The following EXOC6B variants were observed in gnomAD, a reference collection of about 807,000 sequenced individuals.
EXOC6B encodes the protein exocyst complex component 6B.
Under a neutral mutation model 113.5 loss-of-function variants are expected in EXOC6B, and 54 were observed. That is an observed-to-expected ratio of 0.48 (90% CI 0.38 to 0.60). EXOC6B has a LOEUF of 0.60. EXOC6B is among the 20% of genes least tolerant of loss of function. EXOC6B has a pLI of 0.00. For synonymous variants in EXOC6B, 357 were observed against 339.0 expected (o/e 1.05, Z -0.58); for missense variants, 797 against 977.5 (o/e 0.82, Z 2.46).
chr2:72,528,349 AT>A (rs938506378), intron 8 of EXOC6B, among the ~76,000 whole-genome samples: 1 of 151,962 alleles, frequency 6.6e-6, no homozygotes, highest in African/African-American at 2.4e-5. Context: ...TTTGTCTAAT[AT>A]TTTTGTGAAT....
At chr2:72,656,484 TA>T (rs370857019) in intron 6 of EXOC6B, among the ~76,000 whole-genome samples, 1 of 151,692 alleles carries the variant, frequency 6.6e-6, no homozygotes, top group Non-Finnish European at 1.5e-5. Flanking sequence ...ATGCAAGGAA[TA>T]AAAAAAGGTA....
intron 20 of EXOC6B, among the ~76,000 whole-genome samples, chr2:72,192,950 A>T (rs1384797781): frequency 6.6e-6 from 1 of 152,176 alleles, no homozygotes; most frequent in African/African-American, 2.4e-5. Context: ...AAATTCTAAA[A>T]ATTCTACCTC....
At chr2:72,498,981 G>C (rs780853547) in intron 12 of EXOC6B, among the ~76,000 whole-genome samples, 1 of 152,042 alleles carries the variant, frequency 6.6e-6, no homozygotes, top group Admixed American at 6.6e-5. Flanking sequence ...CAAGATGGTA[G>C]TTAAAGAAAC....
At chr2:72,736,269 A>T (rs79504171) in intron 2 of EXOC6B, among the ~76,000 whole-genome samples, 5,648 of 152,188 alleles carry the variant, frequency 0.037, 329 homozygotes, top group African/African-American at 0.13. Context: ...TTCAAAGAAG[A>T]TAAGTGTGTG....
intron 1 of EXOC6B, among the ~76,000 whole-genome samples, chr2:72,823,462 AAAAAAAAAAAAAAAAAC>A (rs1403616363): frequency 2.5e-4 from 32 of 125,734 alleles, no homozygotes; most frequent in Admixed American, 4.6e-4. Flanking sequence ...GTTTTAAGAA[AAAAAAAAAAAAAAAAAC>A]AAAAAACAAA....
At chr2:72,422,879 C>G (rs944537268) in intron 18 of EXOC6B, among the ~76,000 whole-genome samples, 1 of 146,910 alleles carries the variant, frequency 6.8e-6, no homozygotes, top group African/African-American at 2.7e-5. Flanking sequence ...ACGCACCAAT[C>G]AGCGCCCTGA....
chr2:72,723,414 CAAG>C (rs956743127), intron 5 of EXOC6B, among the ~76,000 whole-genome samples: 6 of 152,084 alleles, frequency 3.9e-5, no homozygotes, highest in Admixed American at 1.3e-4. Context: ...AATGCTAAAG[CAAG>C]AAGAAGAATA....
intron 18 of EXOC6B, among the ~76,000 whole-genome samples, chr2:72,453,767 A>T (rs1697045280): frequency 6.6e-6 from 1 of 152,246 alleles, no homozygotes; most frequent in Non-Finnish European, 1.5e-5. Context: ...CAACTTTAGC[A>T]TCAATAAGAA....
intron 20 of EXOC6B, among the ~76,000 whole-genome samples, chr2:72,228,378 T>C (rs1681379324): frequency 6.6e-6 from 1 of 151,914 alleles, no homozygotes; most frequent in Admixed American, 6.6e-5. Context: ...TAACTCGTCA[T>C]TTAACATTAG....
At chr2:72,283,754 C>T (rs1438958964) in intron 20 of EXOC6B, among the ~76,000 whole-genome samples, 4 of 152,048 alleles carry the variant, frequency 2.6e-5, no homozygotes, top group African/African-American at 9.7e-5. Context: ...TAATCCCTAA[C>T]TTACTGTGAT....
At chr2:72,800,183 T>A (rs963437450) in intron 1 of EXOC6B, among the ~76,000 whole-genome samples, 2 of 152,184 alleles carry the variant, frequency 1.3e-5, no homozygotes, top group Admixed American at 6.5e-5. Context: ...TTTTCAAGTA[T>A]CTGTAAAGAA....
In EXOC6B at chr2:72,675,886, T is replaced by C. The variant is rs114090909; in HGVS notation, c.669+42217A>G. 9.8e-3 allele frequency among the ~76,000 whole-genome samples: 1,485 copies of C among 152,266 alleles called. 40 individuals carry two copies. Among genetic ancestry groups the C allele is most frequent in the African/African-American group, 0.034 (1,428 of 41,554 alleles). ...TTTATCCTTTATCTTTGGCTCAGTA[T>C]ACTTATGTGGTGCTTTCCTCTATGT... On this transcript the variant is annotated intron_variant, in intron 6 of 21. Transcript: ENST00000272427.
At chr2:72,816,185 T>A (rs1027848788) in intron 1 of EXOC6B, among the ~76,000 whole-genome samples, 7 of 152,108 alleles carry the variant, frequency 4.6e-5, no homozygotes, top group African/African-American at 9.6e-5. Context: ...AAAAAAGAAA[T>A]GTGCAATAAA....
At chr2:72,733,158 AT>A (rs1472472334) in intron 2 of EXOC6B, 40 bp from the exon 3 acceptor site, 10 of 1,389,982 alleles carry the variant, frequency 7.2e-6, no homozygotes, top group African/African-American at 2.8e-5. Context: ...AAAAACAAAC[AT>A]TTAGACAATA....
At chr2:72,744,828 A>G (rs1662764295) in intron 1 of EXOC6B, among the ~76,000 whole-genome samples, 1 of 152,138 alleles carries the variant, frequency 6.6e-6, no homozygotes, top group African/African-American at 2.4e-5. Flanking sequence ...CAGAACTTAT[A>G]TTAATAATGC....
At chr2:72,449,599 GA>G (rs1168248268) in intron 18 of EXOC6B, among the ~76,000 whole-genome samples, 7 of 151,122 alleles carry the variant, frequency 4.6e-5, no homozygotes, top group Admixed American at 1.3e-4. Context: ...TATTTTCATA[GA>G]TAAGAAAAAT....
At chr2:72,299,796 C>T (rs948331859) in intron 20 of EXOC6B, among the ~76,000 whole-genome samples, 1 of 152,176 alleles carries the variant, frequency 6.6e-6, no homozygotes, top group Admixed American at 6.5e-5. Flanking sequence ...AGTCAGGCCT[C>T]TCTGCTGCAG....
chr2:72,812,996 T>G (rs1287926295), intron 1 of EXOC6B, among the ~76,000 whole-genome samples: 1 of 152,190 alleles, frequency 6.6e-6, no homozygotes, highest in East Asian at 1.9e-4. Flanking sequence ...GCAAACCACA[T>G]ATCCAATAGA....
At chr2:72,618,301 G>A (rs1441918600) in intron 6 of EXOC6B, among the ~76,000 whole-genome samples, 5 of 152,086 alleles carry the variant, frequency 3.3e-5, no homozygotes, top group South Asian at 4.1e-4. Flanking sequence ...CCCAGGAGGC[G>A]GAGGTTGCAG....
Sources: gnomAD v4.1 joint callset for allele counts (sites outside exome capture counted in the v4.1 genomes callset) on GRCh38, gnomAD v4.1.1 for gene constraint, MANE v1.5 for transcripts, NCBI Gene and HGNC (gene_info 2026-07-23, HGNC 2026-07-21) for gene names.